The following MGA variants were observed in gnomAD, a reference collection of about 807,000 sequenced individuals.
The protein encoded by MGA is MAX dimerization protein MGA.
A neutral mutation model predicts 261.1 loss-of-function variants in MGA; 40 were observed. That is an observed-to-expected ratio of 0.15 (90% CI 0.12 to 0.20). The LOEUF is 0.20. MGA is among the 10% of genes least tolerant of loss of function. MGA has a pLI of 1.00. For synonymous variants in MGA, 1,302 were observed against 1,290.6 expected (o/e 1.01, Z -0.19); for missense variants, 3,397 against 3,630.5 (o/e 0.94, Z 1.65).
At chr15:41,727,448 CAT>C (rs1195723506) in intron 10 of MGA, 42 bp downstream of exon 10, 7 of 1,560,870 alleles carry the variant, frequency 4.5e-6, no homozygotes, top group Non-Finnish European at 6.1e-6. Context: ...TTACCAAAGT[CAT>C]GTGTAAAGAT....
intron 1 of MGA, among the ~76,000 whole-genome samples, chr15:41,629,297 C>G (rs1455933305): frequency 6.6e-6 from 1 of 151,894 alleles, no homozygotes; most frequent in African/African-American, 2.4e-5. Flanking sequence ...AAGATGATTA[C>G]AAGGCTTTTA....
intron 2 of MGA, among the ~76,000 whole-genome samples, chr15:41,677,134 G>A (rs939391776): frequency 6.6e-6 from 1 of 152,154 alleles, no homozygotes; most frequent in African/African-American, 2.4e-5. Flanking sequence ...TGTGAATAAT[G>A]GAGTTACGAA....
At chr15:41,747,582 C>T (rs568455736) in intron 15 of MGA, among the ~76,000 whole-genome samples, 64 of 147,656 alleles carry the variant, frequency 4.3e-4, no homozygotes, top group African/African-American at 1.5e-3. Context: ...AAAAAAAAAG[C>T]GTGCACCTGT....
chr15:41,755,062 A>G (rs761925904), intron 18 of MGA, among the ~76,000 whole-genome samples: 2 of 152,252 alleles, frequency 1.3e-5, no homozygotes, highest in Non-Finnish European at 2.9e-5. Context: ...AGATACAGGT[A>G]GGAAAATTTT....
upstream of MGA, among the ~76,000 whole-genome samples, chr15:41,657,120 T>C (rs1326829321): frequency 6.6e-6 from 1 of 152,020 alleles, no homozygotes; most frequent in Non-Finnish European, 1.5e-5. Context: ...CATTATTAGC[T>C]CCTTGAAGGC....
rs1334338319 is a variant in MGA at position 41,736,279 on chromosome 15, A to G, written c.4015A>G (p.Ile1339Val). 1.9e-6 allele frequency: 3 copies of G among 1,613,938 alleles called. No homozygotes were observed. The highest frequency in any genetic ancestry group is 2.5e-6 in the Non-Finnish European group (3 of 1,179,908). Residue 1339 changes from isoleucine to valine, a missense_variant, in exon 13 of 24, where the codon ATC (isoleucine) becomes GTC (valine). Physicochemically the swap from Ile to Val is conservative, Grantham distance 29. Coordinates refer to ENST00000219905, the MANE Select transcript of MGA (RefSeq NM_001164273.2). Reference sequence around the variant, plus strand: ...TGGTCCCACCAAACTGATTGAGATCATCTCAGACTGCAACTGGGAGGAAGA... The same window carrying G: ...TGGTCCCACCAAACTGATTGAGATCGTCTCAGACTGCAACTGGGAGGAAGA...
At chr15:41,715,998 C>A (rs1021968986) in intron 9 of MGA, among the ~76,000 whole-genome samples, 2 of 152,176 alleles carry the variant, frequency 1.3e-5, no homozygotes, top group African/African-American at 4.8e-5. Flanking sequence ...TTATTGTCTT[C>A]ATCCTGTGCC....
intron 14 of MGA, among the ~76,000 whole-genome samples, chr15:41,741,787 C>CT (rs1383073029): frequency 6.6e-6 from 1 of 152,118 alleles, no homozygotes; most frequent in Non-Finnish European, 1.5e-5. Flanking sequence ...TCTCATTTCA[C>CT]TGCAGCATCC....
rs558261422 is a variant in MGA at position 41,721,623 on chromosome 15, G to C, written c.3431-5557G>C. On this transcript the variant is annotated intron_variant, in intron 9 of 23. Transcript: ENST00000219905. ...TGGAATGTTGAATGGCTCATTTGTA[G>C]TTGGGGAAATCCAAATTAAATCCAT... Among the ~76,000 whole-genome samples, 117 of 152,306 alleles carry C rather than the reference G, an allele frequency of 7.7e-4. No individual in the cohort carries two copies. The South Asian group carries it at 0.011, about 15-fold the overall frequency.
In MGA at chr15:41,748,750, C is replaced by G; in HGVS notation, c.5326C>G (p.Pro1776Ala). Residue 1776 changes from proline (P) to alanine (A), a missense_variant, in exon 16 of 24, where the codon CCT (proline) becomes GCT (alanine). Transcript: ENST00000219905. The stretch of plus-strand genomic sequence containing the variant: ...GCAGCAGGGTTCTCCTACTCTTAGA[C>G]CTGTCTCAAACACACAACTTCAGGG... 1 of 1,613,940 alleles carries G rather than the reference C, an allele frequency of 6.2e-7. No homozygotes were observed. Among genetic ancestry groups the G allele is most frequent in the Non-Finnish European group, 8.5e-7 (1 of 1,179,876 alleles).
intron 11 of MGA, among the ~76,000 whole-genome samples, chr15:41,732,236 C>T (rs1275382391): frequency 2.0e-5 from 3 of 151,698 alleles, no homozygotes; most frequent in Non-Finnish European, 4.4e-5. Context: ...GCAAGCTTCG[C>T]TTTCCAGTTC....
In MGA at chr15:41,641,487, CTT is replaced by C. The variant is rs35157141; in HGVS notation, c.-68+20209_-68+20210del. On this transcript the variant is annotated intron_variant, in intron 1 of 8. Coordinates refer to the MGA transcript ENST00000566718. The stretch of plus-strand genomic sequence containing the variant: ...GTTCCAATTTTTCTACATCCTAACA[CTT>C]TTTTTTTTTTTTTTTTTTTGAGAAG... 3.6e-3 allele frequency among the ~76,000 whole-genome samples: 444 copies of C among 123,666 alleles called. 1 individual carries two copies. The highest frequency in any genetic ancestry group is 0.012 in the African/African-American group (392 of 33,284). 81.1% of individuals were successfully genotyped at this position (123,666 alleles called of 152,430 possible).
rs1358616514 is a variant in MGA at position 41,750,198 on chromosome 15, A to C, written c.6591A>C (p.Ala2197=). Residue 2197 remains alanine (A), a synonymous_variant, in exon 17 of 24, where the codon GCA becomes GCC. Transcript: ENST00000219905. ...CTTCACAGGAATGTAAGAAAGAGGC[A>C]GACGAGCAGTTAATTAAAGAAACAA... The C allele has an allele frequency of 1.2e-6, 2 of 1,613,964 alleles. No homozygotes were observed. The highest frequency in any genetic ancestry group is 1.7e-6 in the Non-Finnish European group (2 of 1,179,884).
At chr15:41,737,026 T>A (rs2061818084) in intron 13 of MGA, among the ~76,000 whole-genome samples, 1 of 152,172 alleles carries the variant, frequency 6.6e-6, no homozygotes, top group Non-Finnish European at 1.5e-5. Flanking sequence ...AGGGATTCAG[T>A]CTAGCTCTTG....
upstream of MGA, among the ~76,000 whole-genome samples, chr15:41,656,344 T>TCCC (rs149903830): frequency 3.3e-5 from 2 of 60,034 alleles, no homozygotes; most frequent in Non-Finnish European, 7.3e-5. Flanking sequence ...CTCTCCTCTC[T>TCCC]TCTCTCTCTC....
chr15:41,668,047 A>G (rs1451630349), intron 1 of MGA, among the ~76,000 whole-genome samples: 1 of 150,968 alleles, frequency 6.6e-6, no homozygotes, highest in Admixed American at 6.6e-5. Flanking sequence ...TAAATGATCC[A>G]CTGGCCTCAG....
intron 1 of MGA, among the ~76,000 whole-genome samples, chr15:41,667,277 C>T (rs895534491): frequency 1.3e-5 from 2 of 151,528 alleles, no homozygotes; most frequent in South Asian, 2.1e-4. Flanking sequence ...GTCAGAGTCT[C>T]GCTCTGTCAC....
At chr15:41,739,773 G>C (rs984516032) in intron 13 of MGA, 133 bp from the exon 14 acceptor site, 8 of 823,832 alleles carry the variant, frequency 9.7e-6, no homozygotes, top group Non-Finnish European at 1.4e-5. Context: ...AATGGAAAAA[G>C]TCTACTTCTT....
At chr15:41,674,166 A>G (rs2058243087) in intron 2 of MGA, among the ~76,000 whole-genome samples, 1 of 152,044 alleles carries the variant, frequency 6.6e-6, no homozygotes, top group African/African-American at 2.4e-5. Context: ...GCTGGATTAC[A>G]GGGGTGAGCC....
Sources: gnomAD v4.1 joint callset for allele counts (sites outside exome capture counted in the v4.1 genomes callset) on GRCh38, gnomAD v4.1.1 for gene constraint, MANE v1.5 for transcripts, NCBI Gene and HGNC (gene_info 2026-07-23, HGNC 2026-07-21) for gene names.